The following KLHL4 variants were observed in gnomAD, a reference collection of about 807,000 sequenced individuals.
KLHL4 encodes the protein kelch-like protein 4.
KLHL4 carries 17 observed loss-of-function variants against 45.8 expected under a neutral mutation model. That is an observed-to-expected ratio of 0.37 (90% CI 0.25 to 0.56). The LOEUF (loss-of-function observed/expected upper bound fraction) is 0.56, where lower values mean the gene tolerates loss of function less well. KLHL4 is among the 20% of genes least tolerant of loss of function. The pLI, the probability that KLHL4 is intolerant of heterozygous loss-of-function variation, is 0.79. For missense variants in KLHL4, 544 were observed against 544.9 expected, an observed-to-expected ratio of 1.00 and a Z score of 0.02; for synonymous variants, 224 against 189.9, an observed-to-expected ratio of 1.18 and a Z score of -1.47.
chrX:87,565,530 C>G (rs747308755), intron 1 of KLHL4, among the ~76,000 whole-genome samples: 1 of 109,445 alleles, frequency 9.1e-6, no homozygotes, highest in African/African-American at 3.3e-5. Context: ...GAATTTGAGA[C>G]CAGCCTGGCC....
intron 4 of KLHL4, among the ~76,000 whole-genome samples, chrX:87,620,411 T>G (rs940366871): frequency 8.9e-6 from 1 of 111,938 alleles, no homozygotes; most frequent in African/African-American, 3.2e-5. Context: ...ACTTATTCTT[T>G]ATTTAGACTA....
At chrX:87,646,516 A>G (rs1390990519) in intron 9 of KLHL4, among the ~76,000 whole-genome samples, 2 of 111,985 alleles carry the variant, frequency 1.8e-5, no homozygotes, top group Non-Finnish European at 1.9e-5. Flanking sequence ...CATACTCTCC[A>G]AAACAAAATG....
At chrX:87,540,693 G>A (rs996178529) in intron 1 of KLHL4, among the ~76,000 whole-genome samples, 1 of 110,958 alleles carries the variant, frequency 9.0e-6, no homozygotes, top group Non-Finnish European at 1.9e-5. Flanking sequence ...GCCTGAATCT[G>A]CTTTAGAGTT....
chrX:87,603,544 ATATT>A (rs1055680964), intron 1 of KLHL4, among the ~76,000 whole-genome samples: 5 of 110,636 alleles, frequency 4.5e-5, no homozygotes, highest in African/African-American at 1.6e-4. Flanking sequence ...CAAACAACAA[ATATT>A]TATTTATTTT....
chrX:87,623,892 A>G (rs1401862420), intron 5 of KLHL4, among the ~76,000 whole-genome samples: 1 of 111,919 alleles, frequency 8.9e-6, no homozygotes, highest in Non-Finnish European at 1.9e-5. Flanking sequence ...GAAAAGTTCT[A>G]TGACATATGA....
At chrX:87,580,327 GA>G (rs368064169) in intron 1 of KLHL4, among the ~76,000 whole-genome samples, 10 of 96,386 alleles carry the variant, frequency 1.0e-4, no homozygotes, top group African/African-American at 3.0e-4. Context: ...TTGCAAGACA[GA>G]AAAAAAAAAA....
chrX:87,590,666 A>C (rs889808305), intron 1 of KLHL4, among the ~76,000 whole-genome samples: 6 of 111,918 alleles, frequency 5.4e-5, no homozygotes, highest in Admixed American at 9.5e-5. Context: ...AACAGAATAG[A>C]ATGTTCAAAA....
intron 9 of KLHL4, among the ~76,000 whole-genome samples, chrX:87,650,852 A>G (rs770640315): frequency 8.9e-5 from 10 of 111,847 alleles, no homozygotes; most frequent in Non-Finnish European, 1.5e-4. Context: ...GGAAGCCAAA[A>G]GGCACTTCTT....
chrX:87,594,122 T>G (rs2147802005), intron 1 of KLHL4, among the ~76,000 whole-genome samples: 1 of 111,482 alleles, frequency 9.0e-6, no homozygotes, highest in East Asian at 2.8e-4. Context: ...TTTGATAGTT[T>G]TATGTGGTCT....
At chrX:87,637,034 A>G (rs1405808667) in intron 9 of KLHL4, among the ~76,000 whole-genome samples, 1 of 111,528 alleles carries the variant, frequency 9.0e-6, no homozygotes, top group African/African-American at 3.3e-5. Flanking sequence ...GCTGGAGGCC[A>G]ACCAACACAA....
intron 5 of KLHL4, among the ~76,000 whole-genome samples, chrX:87,624,714 C>G (rs1424166198): frequency 9.8e-5 from 11 of 112,018 alleles, no homozygotes; most frequent in African/African-American, 3.6e-4. Flanking sequence ...CTTGAATTCT[C>G]TCCAATTCAT....
chrX:87,569,836 G>A (rs1389010276), intron 1 of KLHL4, among the ~76,000 whole-genome samples: 1 of 111,452 alleles, frequency 9.0e-6, no homozygotes, highest in African/African-American at 3.2e-5. Flanking sequence ...TGAAGGAGGA[G>A]TAACTGTTTA....
intron 1 of KLHL4, among the ~76,000 whole-genome samples, chrX:87,549,781 A>G (rs1299978570): frequency 9.0e-6 from 1 of 111,578 alleles, no homozygotes; most frequent in African/African-American, 3.2e-5. Context: ...CAGTAGTCAG[A>G]GGAAAGTTTA....
intron 1 of KLHL4, among the ~76,000 whole-genome samples, chrX:87,523,404 G>A: frequency 9.0e-6 from 1 of 111,503 alleles, no homozygotes; most frequent in Non-Finnish European, 1.9e-5. Flanking sequence ...TCAAGGAGGA[G>A]CACTGGGGAA....
intron 3 of KLHL4, among the ~76,000 whole-genome samples, chrX:87,615,185 T>C (rs1453452485): frequency 9.0e-6 from 1 of 111,592 alleles, no homozygotes; most frequent in Non-Finnish European, 1.9e-5. Context: ...CAAACATTTT[T>C]GCTTGCACTG....
At chrX:87,601,211 G>A (rs1405545673) in intron 1 of KLHL4, among the ~76,000 whole-genome samples, 1 of 111,797 alleles carries the variant, frequency 8.9e-6, no homozygotes, top group Non-Finnish European at 1.9e-5. Flanking sequence ...TTTAGAACCA[G>A]AACAAAAGAA....
intron 1 of KLHL4, among the ~76,000 whole-genome samples, chrX:87,599,476 A>G (rs528245789): frequency 8.9e-6 from 1 of 111,974 alleles, no homozygotes; most frequent in East Asian, 2.8e-4. Context: ...TGTACTGTAT[A>G]TGAATTACTT....
chrX:87,541,434 G>A (rs762296257), intron 1 of KLHL4, among the ~76,000 whole-genome samples: 3 of 96,929 alleles, frequency 3.1e-5, no homozygotes, highest in Admixed American at 1.2e-4. Context: ...GTGGTAAGCC[G>A]AGATCATCCC....
chrX:87,613,003 G>C (rs1922433472), intron 1 of KLHL4, among the ~76,000 whole-genome samples: 1 of 111,211 alleles, frequency 9.0e-6, no homozygotes, highest in South Asian at 3.8e-4. Context: ...ACAATATTAT[G>C]ACTGAAGATT....
Sources: gnomAD v4.1 joint callset for allele counts (sites outside exome capture counted in the v4.1 genomes callset) on GRCh38, gnomAD v4.1.1 for gene constraint, MANE v1.5 for transcripts, NCBI Gene and HGNC (gene_info 2026-07-23, HGNC 2026-07-21) for gene names.